Variants in MRNIP observed in about 807,000 individuals in gnomAD.
MRNIP encodes MRN complex interacting protein.
In MRNIP, 30 loss-of-function variants were observed where a neutral mutation model predicts 29.8. The ratio of observed to expected loss-of-function variants is 1.01; its 90% CI spans 0.75 to 1.36. The LOEUF is 1.36. MRNIP is among the 40% of genes most tolerant of loss of function. The pLI, the probability that MRNIP is intolerant of heterozygous loss-of-function variation, is 0.00. For synonymous variants in MRNIP, 201 were observed against 164.1 expected, an observed-to-expected ratio of 1.23 and a Z score of -1.72; for missense variants, 459 against 423.5, an observed-to-expected ratio of 1.08 and a Z score of -0.74.
At chr5:179,853,285 G>A (rs748480330) in intron 2 of MRNIP, 93 bp downstream of exon 2, 36 of 1,603,178 alleles carry the variant, frequency 2.2e-5, no homozygotes, top group Non-Finnish European at 2.7e-5. Context: ...CTCTGTTTGA[G>A]AGAGGATGAT....
chr5:179,855,724 G>A (rs1759547767), intron 1 of MRNIP, among the ~76,000 whole-genome samples: 1 of 152,072 alleles, frequency 6.6e-6, no homozygotes, highest in Non-Finnish European at 1.5e-5. Context: ...CGATTAATAT[G>A]ATCCTAATAC....
At chr5:179,852,218 G>A (rs945182579) in intron 2 of MRNIP, among the ~76,000 whole-genome samples, 10 of 150,686 alleles carry the variant, frequency 6.6e-5, no homozygotes, top group Admixed American at 6.0e-4. Context: ...CCCGGGAGGC[G>A]AAGGTTGCAG....
At chr5:179,856,686 T>C (rs1759596730) in intron 1 of MRNIP, among the ~76,000 whole-genome samples, 1 of 152,162 alleles carries the variant, frequency 6.6e-6, no homozygotes, top group South Asian at 2.1e-4. Flanking sequence ...TTGCCCAGGC[T>C]GCTCTGGAAC....
In MRNIP at chr5:179,841,688, C is replaced by T. The variant is rs565925462; in HGVS notation, c.449+219G>A. ...GTGGGCATCATAAAGGGTGTGCACA[C>T]GGGTGTCCTGCCCAGCCTTCGCCTC... On this transcript the variant is annotated intron_variant, in intron 5 of 6. Transcript: ENST00000292586. The T allele has an allele frequency of 2.6e-3, 1,561 of 597,942 alleles. 8 individuals are homozygous for T. The highest frequency in any genetic ancestry group is 2.9e-3 in the Non-Finnish European group (990 of 336,338). The allele number at this position is 597,942 out of a possible 1,614,324, so 37.0% of individuals were successfully genotyped here. A position where few individuals can be genotyped will look rare whatever the true frequency, so the allele number is the denominator to read the frequency against.
chr5:179,837,425 AAG>A lies in MRNIP; in HGVS notation c.996_997del (p.Phe333TyrfsTer8), dbSNP rs752607373. 7 of 1,604,050 alleles carry A rather than the reference AAG, an allele frequency of 4.4e-6. No individual in the cohort carries two copies. The African/African-American group carries it at 9.4e-5, about 22-fold the overall frequency. On this transcript the variant is annotated frameshift_variant, in exon 7 of 7. Coordinates refer to ENST00000292586, the MANE Select transcript of MRNIP (RefSeq NM_016175.4). LOFTEE classifies it high-confidence loss of function. ...ATCATCGAAGTCTTCCCCAGTTATA[AAG>A]AGGTCACATAGTCGTGTGGGTCGAG...
At chr5:179,841,491 T>G (rs1399756095) in intron 5 of MRNIP, 1 of 186,614 alleles carries the variant, frequency 5.4e-6, no homozygotes, top group Non-Finnish European at 1.1e-5. Flanking sequence ...AGAGCCTCCC[T>G]AGATCCTTAA....
At position 179,837,445 on chromosome 5, in the gene MRNIP, G is replaced by T; in HGVS notation, c.978C>A (p.Pro326=). ...PLVLEAQNPR[P]TRLCDLFITG... ...TTATAAAGAGGTCACATAGTCGTGT[G>T]GGTCGAGGATTCTGTGCCTCCAGGA... The change falls in exon 7 of 7, where the codon CCC becomes CCA. Residue 326 remains proline, a synonymous_variant. Coordinates refer to ENST00000292586, the MANE Select transcript of MRNIP (RefSeq NM_016175.4). The T allele has an allele frequency of 6.2e-7, 1 of 1,610,484 alleles. No homozygotes were observed. The highest frequency in any genetic ancestry group is 1.3e-5 in the African/African-American group (1 of 74,664).
chr5:179,858,782 C>T lies in MRNIP; in HGVS notation c.15G>A (p.Gln5=). The change falls in exon 1 of 7, where the codon CAG becomes CAA. Residue 5 remains glutamine, a synonymous_variant. Coordinates refer to ENST00000292586, the MANE Select transcript of MRNIP (RefSeq NM_016175.4). MASL[Q]RSRVLRCCSC... ...TGCAGCAGCGTAGCACCCGAGAACG[C>T]TGAAGCGACGCCATCCCTGCTTGTG... The T allele has an allele frequency of 2.6e-6, 4 of 1,541,368 alleles. No homozygotes were observed. The South Asian group carries it at 4.8e-5, about 19-fold the overall frequency.
chr5:179,846,909 G>C (rs1759158790), intron 3 of MRNIP: 1 of 152,118 alleles, frequency 6.6e-6, no homozygotes, highest in Non-Finnish European at 1.5e-5. Context: ...CACTGCCGTA[G>C]GTTTTGTCTT....
chr5:179,853,893 G>T (rs1759478515), intron 1 of MRNIP, among the ~76,000 whole-genome samples: 1 of 150,992 alleles, frequency 6.6e-6, no homozygotes, highest in Non-Finnish European at 1.5e-5. Context: ...TTGTATTTTA[G>T]TAGAGATGGG....
chr5:179,845,294 G>C (rs1449310209), intron 3 of MRNIP, among the ~76,000 whole-genome samples: 2 of 151,734 alleles, frequency 1.3e-5, no homozygotes, highest in Non-Finnish European at 2.9e-5. Flanking sequence ...CCGCCTCCTG[G>C]GTTCAAGTGA....
rs971366210 is a variant in MRNIP at position 179,855,910 on chromosome 5, T to G, written c.67-2473A>C. Among the ~76,000 whole-genome samples the G allele has an allele frequency of 2.5e-3, 370 of 146,732 alleles. 11 individuals are homozygous for G. The East Asian group carries it at 0.06, about 24-fold the overall frequency. On this transcript the variant is annotated intron_variant, in intron 1 of 6. Coordinates refer to ENST00000292586, the MANE Select transcript of MRNIP (RefSeq NM_016175.4). ...ATATAAACAAGTAAGAAAAGTTGTTTTTTTTTTTTTTTTTTTGAGACAGAG... is the reference window on the plus strand; with the variant it reads ...ATATAAACAAGTAAGAAAAGTTGTTGTTTTTTTTTTTTTTTTGAGACAGAG...
intron 6 of MRNIP, 54 bp downstream of exon 6, chr5:179,840,809 ACAGAATTAT>A (rs1758846697): frequency 8.5e-7 from 1 of 1,170,662 alleles, no homozygotes; most frequent in Admixed American, 1.9e-5. Flanking sequence ...GTGACAAAAG[ACAGAATTAT>A]CACACACACG....
chr5:179,838,108 C>T (rs1430420994), intron 6 of MRNIP: 3 of 589,402 alleles, frequency 5.1e-6, no homozygotes, highest in Non-Finnish European at 9.0e-6. Context: ...ACCAGGCTTT[C>T]CAAAAACAAG....
intron 1 of MRNIP, among the ~76,000 whole-genome samples, 182 bp from the exon 2 acceptor site, chr5:179,853,619 A>C (rs1341158845): frequency 6.6e-6 from 1 of 152,052 alleles, no homozygotes; most frequent in East Asian, 1.9e-4. Flanking sequence ...TAAAAATACA[A>C]AAATTAGCCA....
At chr5:179,843,085 GGCAAGC>G (rs1758982627) in intron 4 of MRNIP, among the ~76,000 whole-genome samples, 1 of 141,094 alleles carries the variant, frequency 7.1e-6, no homozygotes, top group Non-Finnish European at 1.6e-5. Flanking sequence ...GAGGGAGGCA[GGCAAGC>G]AGGCAAGCAG....
At chr5:179,841,268 G>T in intron 5 of MRNIP, 1 of 387,382 alleles carries the variant, frequency 2.6e-6, no homozygotes, top group Non-Finnish European at 4.7e-6. Flanking sequence ...CCAAGTAGCT[G>T]GGACCACAGG....
Position 179,858,746 on chromosome 5 carries a change from G to C in MRNIP, c.51C>G (p.Leu17=). 6.5e-7 allele frequency: 1 copy of C among 1,530,630 alleles called. No homozygotes were observed. The highest frequency in any genetic ancestry group is 8.8e-7 in the Non-Finnish European group (1 of 1,138,268). 94.8% of individuals were successfully genotyped at this position (1,530,630 alleles called of 1,614,324 possible). ...SRVLRCCSCR[L]FQAHQVKKSV... ...CCCGCCAGACCTGGTGCGCCTGGAAGAGGCGGCAGCTGCAGCAGCGTAGCA... is the reference window on the plus strand; with the variant it reads ...CCCGCCAGACCTGGTGCGCCTGGAACAGGCGGCAGCTGCAGCAGCGTAGCA... The change falls in exon 1 of 7, where the codon CTC becomes CTG. Residue 17 remains leucine (L), a synonymous_variant. Transcript: ENST00000292586.
intron 1 of MRNIP, among the ~76,000 whole-genome samples, chr5:179,857,437 G>A (rs546545114): frequency 1.3e-5 from 2 of 152,182 alleles, no homozygotes; most frequent in East Asian, 3.9e-4. Context: ...CTCCAGCCTG[G>A]CGACAGAGTG....
Sources: allele counts gnomAD v4.1 joint callset (sites outside exome capture counted in the v4.1 genomes callset), GRCh38; gene constraint gnomAD v4.1.1; transcripts MANE v1.5; gene names NCBI Gene and HGNC (gene_info 2026-07-23, HGNC 2026-07-21).